The following NMNAT3 variants were observed in gnomAD, a reference collection of about 807,000 sequenced individuals.
The protein encoded by NMNAT3 is nicotinamide nucleotide adenylyltransferase 3.
In NMNAT3, 21 loss-of-function variants were observed where a neutral mutation model predicts 24.8. The observed-to-expected ratio is 0.85, with a 90% CI of 0.60 to 1.22. NMNAT3 has a LOEUF of 1.22. NMNAT3 is among the 50% of genes most tolerant of loss of function. NMNAT3 has a pLI of 0.00. For synonymous variants in NMNAT3, 136 were observed against 155.2 expected, an observed-to-expected ratio of 0.88 and a Z score of 0.92; for missense variants, 387 against 436.6, an observed-to-expected ratio of 0.89 and a Z score of 1.01.
At chr3:139,596,964 A>ATATATATATAT (rs1405063694) in intron 3 of NMNAT3, among the ~76,000 whole-genome samples, 1 of 108,540 alleles carries the variant, frequency 9.2e-6, no homozygotes, top group African/African-American at 3.8e-5. Flanking sequence ...ATATATATAT[A>ATATATATATAT]TTTTTATTAC....
intron 1 of NMNAT3, among the ~76,000 whole-genome samples, chr3:139,667,149 A>G (rs928349791): frequency 6.6e-6 from 1 of 152,148 alleles, no homozygotes; most frequent in Non-Finnish European, 1.5e-5. Context: ...TGGTTGATCT[A>G]CTTTTAGTTT....
chr3:139,624,282 A>C (rs990165172), intron 3 of NMNAT3, among the ~76,000 whole-genome samples: 2 of 151,970 alleles, frequency 1.3e-5, no homozygotes, highest in African/African-American at 2.4e-5. Flanking sequence ...AATGTTTTCT[A>C]ATTTCCATTT....
At chr3:139,676,365 C>T (rs1311579900) in intron 1 of NMNAT3, among the ~76,000 whole-genome samples, 2 of 152,238 alleles carry the variant, frequency 1.3e-5, no homozygotes, top group Admixed American at 6.5e-5. Context: ...CAAGGTCTGA[C>T]ACGTCCTTAG....
At chr3:139,632,266 G>T (rs2108325716) in intron 2 of NMNAT3, among the ~76,000 whole-genome samples, 2 of 152,008 alleles carry the variant, frequency 1.3e-5, no homozygotes, top group Middle Eastern at 3.4e-3. Flanking sequence ...GAACTTTCTG[G>T]CTCCCTGAAG....
chr3:139,669,398 C>G (rs2057685060), intron 1 of NMNAT3, among the ~76,000 whole-genome samples: 1 of 146,252 alleles, frequency 6.8e-6, no homozygotes, highest in Non-Finnish European at 1.5e-5. Flanking sequence ...CTGCTTGAAC[C>G]TGGGAGGCGG....
At chr3:139,648,565 TATAA>T (rs1220576413) in intron 1 of NMNAT3, among the ~76,000 whole-genome samples, 16 of 152,250 alleles carry the variant, frequency 1.1e-4, no homozygotes, top group African/African-American at 3.6e-4. Flanking sequence ...AGAAACTTTC[TATAA>T]ATTAACCTCA....
chr3:139,676,857 T>C (rs1275762429), intron 1 of NMNAT3, among the ~76,000 whole-genome samples: 1 of 152,230 alleles, frequency 6.6e-6, no homozygotes, highest in Non-Finnish European at 1.5e-5. Flanking sequence ...GCAGGCACAC[T>C]GTGTTTAGTC....
intron 1 of NMNAT3, among the ~76,000 whole-genome samples, chr3:139,647,898 C>T (rs1439546923): frequency 6.6e-6 from 1 of 152,212 alleles, no homozygotes; most frequent in East Asian, 1.9e-4. Context: ...AATACACTCA[C>T]AGACACGTTG....
intron 6 of NMNAT3, among the ~76,000 whole-genome samples, chr3:139,563,797 G>C (rs1169259490): frequency 6.6e-6 from 1 of 152,138 alleles, no homozygotes; most frequent in Non-Finnish European, 1.5e-5. Context: ...TTTAGACCGA[G>C]TGACTCTATC....
At chr3:139,661,466 T>A (rs1397286884) in intron 1 of NMNAT3, among the ~76,000 whole-genome samples, 2 of 152,208 alleles carry the variant, frequency 1.3e-5, no homozygotes, top group Non-Finnish European at 2.9e-5. Flanking sequence ...GCCAGGAGTT[T>A]GAGAGCAGTC....
chr3:139,605,110 A>G (rs1321452333), intron 3 of NMNAT3, among the ~76,000 whole-genome samples: 3 of 152,140 alleles, frequency 2.0e-5, no homozygotes, highest in African/African-American at 7.2e-5. Flanking sequence ...AATTGCTGCA[A>G]AGTTTTTCAA....
At chr3:139,622,812 A>T (rs1007949733) in intron 3 of NMNAT3, among the ~76,000 whole-genome samples, 4 of 138,622 alleles carry the variant, frequency 2.9e-5, no homozygotes, top group Non-Finnish European at 1.6e-5. Context: ...TATATATATA[A>T]AATGTATATA....
At chr3:139,586,707 T>C (rs2108144647) in intron 3 of NMNAT3, among the ~76,000 whole-genome samples, 1 of 152,342 alleles carries the variant, frequency 6.6e-6, no homozygotes, top group South Asian at 2.1e-4. Flanking sequence ...AAAAGGTTTA[T>C]TTAAGTTCCA....
At chr3:139,613,344 CAAAAG>C (rs1012251954) in intron 3 of NMNAT3, among the ~76,000 whole-genome samples, 53 of 152,258 alleles carry the variant, frequency 3.5e-4, no homozygotes, top group African/African-American at 1.2e-3. Flanking sequence ...AGACACTTCT[CAAAAG>C]AAGATATTTA....
At chr3:139,651,626 G>C (rs1477725091) in intron 1 of NMNAT3, among the ~76,000 whole-genome samples, 1 of 152,172 alleles carries the variant, frequency 6.6e-6, no homozygotes, top group African/African-American at 2.4e-5. Context: ...CTCAAAGGTA[G>C]CTGCTGGAAT....
chr3:139,638,983 T>C (rs990415388), intron 1 of NMNAT3, among the ~76,000 whole-genome samples: 3 of 152,188 alleles, frequency 2.0e-5, no homozygotes, highest in Admixed American at 1.3e-4. Flanking sequence ...CTCTCACCTA[T>C]TTATGCCAGG....
Position 139,627,775 on chromosome 3 carries a change from G to A in NMNAT3, c.-40-11C>T. 4.6e-6 allele frequency: 5 copies of A among 1,082,028 alleles called. No individual in the cohort carries two copies. In the South Asian group the frequency reaches 7.4e-5, roughly 16 times the overall value. 67.0% of individuals were successfully genotyped at this position (1,082,028 alleles called of 1,614,324 possible). ...GCAGTGGCCACCCTGCTTTTATGGGGACAAAAGCTCATGTCAGGGAGTTAG... is the reference window on the plus strand; with the variant it reads ...GCAGTGGCCACCCTGCTTTTATGGGAACAAAAGCTCATGTCAGGGAGTTAG... On this transcript the variant is annotated splice_polypyrimidine_tract_variant and intron_variant, in intron 2 of 6. Transcript: ENST00000643695.
chr3:139,601,627 C>G (rs2054719921), intron 3 of NMNAT3, among the ~76,000 whole-genome samples: 1 of 152,140 alleles, frequency 6.6e-6, no homozygotes, highest in African/African-American at 2.4e-5. Flanking sequence ...GCACACACTT[C>G]AAGCCAGAGA....
intron 1 of NMNAT3, among the ~76,000 whole-genome samples, chr3:139,639,887 A>C (rs2056639951): frequency 6.6e-6 from 1 of 152,306 alleles, no homozygotes; most frequent in Admixed American, 6.5e-5. Context: ...CAGACAATTG[A>C]GAAGAGAAAG....
Sources: allele counts gnomAD v4.1 joint callset (sites outside exome capture counted in the v4.1 genomes callset), GRCh38; gene constraint gnomAD v4.1.1; transcripts MANE v1.5; gene names NCBI Gene and HGNC (gene_info 2026-07-23, HGNC 2026-07-21).